CTNNA2: variants seen among roughly 807,000 people sequenced by gnomAD.
CTNNA2 encodes catenin alpha-2.
Under a neutral mutation model 101.0 loss-of-function variants are expected in CTNNA2, and 42 were observed. The ratio of observed to expected loss-of-function variants is 0.42; its 90% CI spans 0.32 to 0.54. The LOEUF is 0.54. Among genes scored for constraint, CTNNA2 ranks in the 20% least tolerant of loss-of-function variants. The pLI is 0.14. For synonymous variants in CTNNA2, 450 were observed against 456.4 expected (o/e 0.99, Z 0.18); for missense variants, 871 against 1,223.1 (o/e 0.71, Z 4.29).
At chr2:80,272,946 C>G (rs1178217460) in intron 7 of CTNNA2, among the ~76,000 whole-genome samples, 1 of 152,038 alleles carries the variant, frequency 6.6e-6, no homozygotes, top group Non-Finnish European at 1.5e-5. Context: ...CTTCTTTGAT[C>G]CCCCAAATGA....
intron 7 of CTNNA2, among the ~76,000 whole-genome samples, chr2:80,084,329 T>C (rs1030701752): frequency 1.3e-5 from 2 of 152,184 alleles, no homozygotes; most frequent in African/African-American, 4.8e-5. Flanking sequence ...TGTCCTCTGT[T>C]GGACATTTTC....
chr2:79,631,067 T>C (rs1407246691), intron 1 of CTNNA2, among the ~76,000 whole-genome samples: 1 of 152,168 alleles, frequency 6.6e-6, no homozygotes, highest in Non-Finnish European at 1.5e-5. Context: ...TGGCAGATTT[T>C]TTTTTTTCTG....
chr2:80,449,454 G>T (rs2149453682), intron 9 of CTNNA2, among the ~76,000 whole-genome samples: 1 of 152,198 alleles, frequency 6.6e-6, no homozygotes, highest in Admixed American at 6.5e-5. Context: ...TATAGCTAGG[G>T]TTGCCTCTGG....
At chr2:79,670,085 G>A (rs900157574) in intron 2 of CTNNA2, among the ~76,000 whole-genome samples, 17 of 152,176 alleles carry the variant, frequency 1.1e-4, no homozygotes, top group African/African-American at 4.1e-4. Flanking sequence ...GGGCCCCCGA[G>A]GGTGCAGGCT....
intron 7 of CTNNA2, among the ~76,000 whole-genome samples, chr2:80,227,529 C>T (rs2149067151): frequency 6.6e-6 from 1 of 152,290 alleles, no homozygotes; most frequent in Non-Finnish European, 1.5e-5. Context: ...TTATCCTTCT[C>T]CATAGAAGCA....
In CTNNA2 at chr2:79,782,526, C is replaced by T. The variant is rs115462559; in HGVS notation, c.298+37944C>T. ...TGCTGGAATTACAGGCGTGAGCCAC[C>T]GCACCTGGCCTGCTTGCCTTCTTTT... On this transcript the variant is annotated intron_variant, in intron 3 of 18. Coordinates refer to ENST00000402739, the MANE Select transcript of CTNNA2 (RefSeq NM_001282597.3). 3.3e-3 allele frequency among the ~76,000 whole-genome samples: 497 copies of T among 152,164 alleles called. 5 individuals are homozygous for T. Among genetic ancestry groups the T allele is most frequent in the Middle Eastern group, 0.01 (3 of 294 alleles).
chr2:80,023,444 C>A (rs868017040), intron 7 of CTNNA2, among the ~76,000 whole-genome samples: 1 of 151,896 alleles, frequency 6.6e-6, no homozygotes, highest in African/African-American at 2.4e-5. Context: ...TGATTATTTC[C>A]TTGGACTGTG....
At chr2:79,244,630 A>G (rs914593163) in intron 2 of CTNNA2, among the ~76,000 whole-genome samples, 1 of 152,170 alleles carries the variant, frequency 6.6e-6, no homozygotes, top group Non-Finnish European at 1.5e-5. Context: ...ATCACTTTTG[A>G]TAGACTGGAG....
At chr2:80,474,755 A>G (rs992957825) in intron 9 of CTNNA2, among the ~76,000 whole-genome samples, 2 of 152,178 alleles carry the variant, frequency 1.3e-5, no homozygotes, top group African/African-American at 4.8e-5. Flanking sequence ...TTAGATAGCT[A>G]CTTGGAAGTG....
intron 7 of CTNNA2, among the ~76,000 whole-genome samples, chr2:80,190,265 G>C (rs951283739): frequency 2.0e-5 from 3 of 152,090 alleles, no homozygotes; most frequent in African/African-American, 4.8e-5. Flanking sequence ...TCCAGTGGTG[G>C]TGGGCTGGAG....
intron 9 of CTNNA2, among the ~76,000 whole-genome samples, chr2:80,493,094 G>T (rs1465768479): frequency 6.6e-6 from 1 of 152,138 alleles, no homozygotes; most frequent in Non-Finnish European, 1.5e-5. Flanking sequence ...TTACTTCTGG[G>T]AGGAAAAACA....
In CTNNA2 at chr2:79,480,001, G is replaced by A. The variant is rs1671091860; in HGVS notation, c.-134-25053G>A. On this transcript the variant is annotated intron_variant, in intron 4 of 21. Transcript: ENST00000466387. Reference sequence around the variant, plus strand: ...TATTTGGCTCATGGTTTTGGAGGCAGTACAAGAAGCATGGCACTGGCATCT... The same window carrying A: ...TATTTGGCTCATGGTTTTGGAGGCAATACAAGAAGCATGGCACTGGCATCT... Among the ~76,000 whole-genome samples the A allele has an allele frequency of 4.6e-5, 7 of 152,210 alleles. 2 individuals are homozygous for A. The highest frequency in any genetic ancestry group is 2.4e-5 in the African/African-American group (1 of 41,526).
chr2:80,163,227 T>C (rs954180271), intron 7 of CTNNA2: 4 of 876,996 alleles, frequency 4.6e-6, no homozygotes, highest in South Asian at 1.5e-5. Flanking sequence ...CTTATTATTA[T>C]AGTAGATTAT....
At chr2:80,419,776 C>T (rs1006907786) in intron 9 of CTNNA2, among the ~76,000 whole-genome samples, 175 bp downstream of exon 9, 9 of 151,910 alleles carry the variant, frequency 5.9e-5, no homozygotes, top group African/African-American at 1.2e-4. Flanking sequence ...AATCAAGCTA[C>T]GAATCATCTT....
chr2:80,308,652 A>T (rs1677254603), intron 7 of CTNNA2, among the ~76,000 whole-genome samples: 1 of 152,210 alleles, frequency 6.6e-6, no homozygotes, highest in Non-Finnish European at 1.5e-5. Context: ...CTACTTATCA[A>T]ACTTTGTCCA....
intron 9 of CTNNA2, among the ~76,000 whole-genome samples, chr2:80,536,971 TA>T (rs1315582192): frequency 6.6e-6 from 1 of 152,216 alleles, no homozygotes; most frequent in African/African-American, 2.4e-5. Context: ...GCTTGTTACA[TA>T]GGTATACATG....
chr2:79,986,266 A>G (rs1377590353), intron 7 of CTNNA2, among the ~76,000 whole-genome samples: 5 of 152,082 alleles, frequency 3.3e-5, no homozygotes, highest in Non-Finnish European at 7.4e-5. Context: ...TCCTTTGAAA[A>G]CAGACATTCC....
At chr2:80,383,257 T>C (rs140343824) in intron 7 of CTNNA2, among the ~76,000 whole-genome samples, 4 of 152,282 alleles carry the variant, frequency 2.6e-5, no homozygotes, top group African/African-American at 9.6e-5. Flanking sequence ...CAGCAAATTG[T>C]GAAGTGGGTG....
At chr2:80,162,501 CAT>C in intron 7 of CTNNA2, 1 of 1,602,852 alleles carries the variant, frequency 6.2e-7, no homozygotes, top group Non-Finnish European at 8.5e-7. Context: ...CTTCTGTTAT[CAT>C]AGTCATGGCT....
Sources: allele counts gnomAD v4.1 joint callset (sites outside exome capture counted in the v4.1 genomes callset), GRCh38; gene constraint gnomAD v4.1.1; transcripts MANE v1.5; gene names NCBI Gene and HGNC (gene_info 2026-07-23, HGNC 2026-07-21).